Variants in LRRC37A observed in about 807,000 individuals in gnomAD.
The protein encoded by LRRC37A is leucine-rich repeat-containing protein 37A.
A neutral mutation model predicts 35.4 loss-of-function variants in LRRC37A; 3 were observed. That is an observed-to-expected ratio of 0.08 (90% CI 0.04 to 0.22). LRRC37A has a LOEUF of 0.22. Ranked by LOEUF, LRRC37A falls within the 10% of genes least tolerant of loss-of-function variation. The pLI is 1.00. For synonymous variants in LRRC37A, 23 were observed against 215.0 expected, an observed-to-expected ratio of 0.11 and a Z score of 7.81; for missense variants, 67 against 565.3, an observed-to-expected ratio of 0.12 and a Z score of 8.94.
chr17:46,253,724 C>G, the LRRC37A span, among the ~76,000 whole-genome samples: 1 of 118,970 alleles, frequency 8.4e-6, no homozygotes, highest in Admixed American at 1.1e-4. Context: ...AGAGGGAGAC[C>G]GTGGAAAGAG....
chr17:46,258,511 A>G, the LRRC37A span, among the ~76,000 whole-genome samples: 3 of 151,186 alleles, frequency 2.0e-5, no homozygotes, highest in Non-Finnish European at 2.9e-5. Context: ...GCCTGGCCGA[A>G]AAAGATTCTT....
chr17:46,263,854 C>CAAA, the LRRC37A span, among the ~76,000 whole-genome samples: 23 of 96,162 alleles, frequency 2.4e-4, no homozygotes, highest in Admixed American at 3.1e-4. Flanking sequence ...GACTCTGTCT[C>CAAA]AAAAAAAAAA....
the LRRC37A span, among the ~76,000 whole-genome samples, chr17:46,249,968 C>T: frequency 5.3e-5 from 8 of 152,190 alleles, no homozygotes; most frequent in East Asian, 1.3e-3. Context: ...CCATGCCCGA[C>T]TAGTTCTTTA....
the LRRC37A span, among the ~76,000 whole-genome samples, chr17:46,272,492 G>A: frequency 6.6e-6 from 1 of 152,094 alleles, no homozygotes; most frequent in Non-Finnish European, 1.5e-5. Flanking sequence ...ACGGCTCACT[G>A]CAACCTCCGC....
chr17:46,266,290 TGTC>T, the LRRC37A span, among the ~76,000 whole-genome samples: 2 of 152,136 alleles, frequency 1.3e-5, no homozygotes, highest in African/African-American at 2.4e-5. Context: ...TCTCCGCACT[TGTC>T]ACCCCACCCT....
the LRRC37A span, among the ~76,000 whole-genome samples, chr17:46,287,464 G>A: frequency 6.6e-6 from 1 of 152,206 alleles, no homozygotes; most frequent in African/African-American, 2.4e-5. Flanking sequence ...TACACTACAA[G>A]GACCATGCAG....
chr17:46,282,880 A>G, the LRRC37A span, among the ~76,000 whole-genome samples: 1 of 152,186 alleles, frequency 6.6e-6, no homozygotes, highest in African/African-American at 2.4e-5. Flanking sequence ...GCATTTTGGG[A>G]GGCCGAAGCG....
the LRRC37A span, among the ~76,000 whole-genome samples, chr17:46,271,167 T>TC: frequency 4.1e-5 from 6 of 146,698 alleles, no homozygotes; most frequent in African/African-American, 7.5e-5. Context: ...ATAGTTTCTT[T>TC]TTTTTTTTTT....
rs1236501650 is a variant in LRRC37A, at chr17:46,323,704, G to A, written c.3053+677G>A. ...GATCCACCTTGCCTGGCCTCACTCA[G>A]TAGAATTTTTTTTGAGATTATGCTA... On this transcript the variant is annotated intron_variant, in intron 7 of 13. Coordinates refer to ENST00000320254, the Ensembl canonical transcript of LRRC37A. Among the ~76,000 whole-genome samples the A allele has an allele frequency of 2.9e-5, 3 of 104,562 alleles. 1 individual carries two copies. The highest frequency in any genetic ancestry group is 9.2e-5 in the African/African-American group (3 of 32,550). 68.6% of individuals were successfully genotyped at this position (104,562 alleles called of 152,430 possible).
chr17:46,291,332 T>G (rs2050060803), upstream of LRRC37A, among the ~76,000 whole-genome samples: 1 of 152,110 alleles, frequency 6.6e-6, no homozygotes, highest in South Asian at 2.1e-4. Flanking sequence ...CATGCTTAAA[T>G]AAGTTACAAC....
the LRRC37A span, among the ~76,000 whole-genome samples, chr17:46,280,781 C>A: frequency 6.6e-6 from 1 of 152,094 alleles, no homozygotes; most frequent in Non-Finnish European, 1.5e-5. Flanking sequence ...GCCATGTTGG[C>A]CAGGATGGTC....
chr17:46,260,450 C>G, the LRRC37A span: 9 of 1,567,738 alleles, frequency 5.7e-6, no homozygotes, highest in African/African-American at 1.2e-4. Flanking sequence ...CACCTCTGAC[C>G]CAGCCGGCGG....
intron 5 of LRRC37A, among the ~76,000 whole-genome samples, chr17:46,308,042 C>A (rs193041685): frequency 0.038 from 2,713 of 72,306 alleles, 776 homozygotes; most frequent in African/African-American, 0.084. Flanking sequence ...TAATAATAAT[C>A]ATCATCATCA....
the LRRC37A span, among the ~76,000 whole-genome samples, chr17:46,276,852 G>A: frequency 2.1e-5 from 3 of 141,832 alleles, no homozygotes; most frequent in Non-Finnish European, 3.0e-5. Context: ...AGCCCAGTCT[G>A]GAGTGCAGTG....
upstream of LRRC37A, among the ~76,000 whole-genome samples, chr17:46,290,733 C>T (rs2050044275): frequency 6.6e-6 from 1 of 152,256 alleles, no homozygotes; most frequent in African/African-American, 2.4e-5. Context: ...AGGCATGAGC[C>T]ATTGCGCCCA....
the LRRC37A span, among the ~76,000 whole-genome samples, chr17:46,283,234 C>G: frequency 1.0e-3 from 158 of 152,316 alleles, 1 homozygote; most frequent in Non-Finnish European, 1.4e-3. Context: ...TAAAAGTATT[C>G]TAAGATATTA....
the LRRC37A span, among the ~76,000 whole-genome samples, chr17:46,263,744 C>T: frequency 3.3e-5 from 5 of 151,550 alleles, no homozygotes; most frequent in African/African-American, 7.3e-5. Context: ...ATCCCAGCTA[C>T]CTGGGAGGCT....
chr17:46,290,564 A>G (rs1321173837), upstream of LRRC37A, among the ~76,000 whole-genome samples: 4 of 152,136 alleles, frequency 2.6e-5, no homozygotes, highest in Non-Finnish European at 5.9e-5. Flanking sequence ...CTCCTCCCTC[A>G]GCCTCCCAGG....
the LRRC37A span, among the ~76,000 whole-genome samples, chr17:46,279,311 G>A: frequency 6.6e-6 from 1 of 150,810 alleles, no homozygotes; most frequent in Non-Finnish European, 1.5e-5. Context: ...AGCCTCCCAA[G>A]TAGCGAGGAT....
Sources: allele counts gnomAD v4.1 joint callset (sites outside exome capture counted in the v4.1 genomes callset), GRCh38; gene constraint gnomAD v4.1.1; transcripts MANE v1.5; gene names NCBI Gene and HGNC (gene_info 2026-07-23, HGNC 2026-07-21).